NPTN: variants seen among roughly 807,000 people sequenced by gnomAD.
The protein encoded by NPTN is SDR-1.
In NPTN, 5 loss-of-function variants were observed where a neutral mutation model predicts 42.7. The observed-to-expected ratio is 0.12, with a 90% CI of 0.06 to 0.25. NPTN has a LOEUF of 0.25. Among genes scored for constraint, NPTN ranks in the 10% least tolerant of loss-of-function variants. The probability of loss-of-function intolerance (pLI) is 1.00; values close to 1 mark genes in which losing one functional copy is unlikely to be tolerated. For missense variants in NPTN, 307 were observed against 525.4 expected (o/e 0.58, Z 4.06); for synonymous variants, 180 against 201.9 (o/e 0.89, Z 0.92).
Position 73,633,286 on chromosome 15 carries a change from A to G in NPTN, c.-71T>C. On this transcript the variant is annotated 5_prime_UTR_variant, in exon 1 of 9. Coordinates refer to ENST00000345330, the MANE Select transcript of NPTN (RefSeq NM_012428.4). ...CGGGGCCGGGGAAGGGAGGGGAGGG[A>G]GGGAGGGGGCGGGCGAGTGCGCGAG... The G allele has an allele frequency of 1.7e-5, 6 of 343,964 alleles. No homozygotes were observed. The highest frequency in any genetic ancestry group is 7.5e-5 in the East Asian group (1 of 13,246). The allele number at this position is 343,964 out of a possible 1,614,324, so 21.3% of individuals were successfully genotyped here.
chr15:73,602,364 G>C (rs934034127), intron 1 of NPTN, among the ~76,000 whole-genome samples: 1 of 152,120 alleles, frequency 6.6e-6, no homozygotes, highest in Non-Finnish European at 1.5e-5. Flanking sequence ...TCGCAATAAA[G>C]AGAAAATGAC....
At chr15:73,579,718 G>A (rs374004834) in intron 4 of NPTN, among the ~76,000 whole-genome samples, 47 of 152,218 alleles carry the variant, frequency 3.1e-4, no homozygotes, top group African/African-American at 5.5e-4. Context: ...AAGGGTGGCC[G>A]CCATACTGGG....
intron 7 of NPTN, among the ~76,000 whole-genome samples, chr15:73,562,916 T>C (rs1223609579): frequency 1.3e-5 from 2 of 152,078 alleles, no homozygotes; most frequent in Non-Finnish European, 2.9e-5. Flanking sequence ...CGTTTTAACA[T>C]TGACAAAACC....
At chr15:73,594,916 A>G (rs1188655761) in intron 2 of NPTN, among the ~76,000 whole-genome samples, 2 of 151,888 alleles carry the variant, frequency 1.3e-5, no homozygotes, top group Admixed American at 6.6e-5. Flanking sequence ...CTGAGATCAT[A>G]AAACAGTCCA....
intron 1 of NPTN, among the ~76,000 whole-genome samples, chr15:73,629,677 T>G (rs1404431322): frequency 6.6e-6 from 1 of 152,160 alleles, no homozygotes; most frequent in Non-Finnish European, 1.5e-5. Flanking sequence ...ATTTTCCATA[T>G]GAATATATTA....
chr15:73,594,947 GT>G (rs199961819), intron 2 of NPTN, among the ~76,000 whole-genome samples: 2 of 138,660 alleles, frequency 1.4e-5, no homozygotes, highest in Non-Finnish European at 1.5e-5. Context: ...GATCCAGGGT[GT>G]TTTAAAAAAA....
intron 1 of NPTN, among the ~76,000 whole-genome samples, chr15:73,609,259 G>T (rs964603010): frequency 6.6e-6 from 1 of 152,174 alleles, no homozygotes; most frequent in African/African-American, 2.4e-5. Context: ...TCAGATATAA[G>T]GCACAGTATC....
chr15:73,616,819 T>C (rs1176950477), intron 1 of NPTN, among the ~76,000 whole-genome samples: 1 of 152,170 alleles, frequency 6.6e-6, no homozygotes, highest in Non-Finnish European at 1.5e-5. Flanking sequence ...CCAGAATGCT[T>C]TCGCTAAAAA....
chr15:73,589,995 T>G (rs932983238), intron 3 of NPTN, among the ~76,000 whole-genome samples: 1 of 151,804 alleles, frequency 6.6e-6, no homozygotes, highest in Admixed American at 6.5e-5. Flanking sequence ...AAAGACCTGC[T>G]GTTCCTTCCT....
intron 1 of NPTN, among the ~76,000 whole-genome samples, chr15:73,615,631 T>G (rs1566987446): frequency 6.6e-6 from 1 of 152,190 alleles, no homozygotes. Flanking sequence ...TCATCAAGGT[T>G]AACAGTTCAG....
At chr15:73,627,055 C>A (rs1011928688) in intron 1 of NPTN, among the ~76,000 whole-genome samples, 1 of 152,004 alleles carries the variant, frequency 6.6e-6, no homozygotes, top group Non-Finnish European at 1.5e-5. Context: ...GCCAACATGG[C>A]GAAACTCCAT....
Position 73,591,998 on chromosome 15 carries a change from G to C in NPTN, c.579C>G (p.Ala193=), listed in dbSNP as rs550831616. ...CCATGTTGCTGGCATTCTTACGAGT[G>C]GCACTCAGTTCCACCCCATTCTTTG... ...YWTKNGVELS[A]TRKNASNMEY... Residue 193 remains alanine (A), a synonymous_variant, in exon 3 of 9, where the codon GCC becomes GCG. Transcript: ENST00000345330. 4.3e-6 allele frequency: 7 copies of C among 1,613,648 alleles called. No homozygotes were observed. In the East Asian group the frequency reaches 1.6e-4, roughly 36 times the overall value.
chr15:73,589,751 C>T (rs1006155637), intron 3 of NPTN, among the ~76,000 whole-genome samples: 3 of 152,056 alleles, frequency 2.0e-5, no homozygotes, highest in Admixed American at 6.5e-5. Flanking sequence ...CGAGGAGAGA[C>T]ATAGCCTATC....
chr15:73,570,689 A>G lies in NPTN; in HGVS notation c.841-266T>C, dbSNP rs1164408377. ...AGGTCCTACTGCCTGGAGACTCAGAAAAGTCCAACAACCTAGTAAATGCTG... is the reference window on the plus strand; with the variant it reads ...AGGTCCTACTGCCTGGAGACTCAGAGAAGTCCAACAACCTAGTAAATGCTG... On this transcript the variant is annotated intron_variant, in intron 5 of 8. Transcript: ENST00000345330. This position sits in a 1 kb window ranked among gnomAD's most constrained non-coding sequence, Gnocchi z 4.0. Among the ~76,000 whole-genome samples the G allele has an allele frequency of 3.9e-5, 6 of 152,186 alleles. No homozygotes were observed. Among genetic ancestry groups the G allele is most frequent in the Non-Finnish European group, 8.8e-5 (6 of 68,014 alleles).
chr15:73,628,062 C>T (rs1012255800), intron 1 of NPTN, among the ~76,000 whole-genome samples: 1 of 151,824 alleles, frequency 6.6e-6, no homozygotes, highest in South Asian at 2.1e-4. Flanking sequence ...ATCTAAGGTG[C>T]TTAAAATTAA....
At chr15:73,627,260 G>A (rs1417646326) in intron 1 of NPTN, among the ~76,000 whole-genome samples, 1 of 152,108 alleles carries the variant, frequency 6.6e-6, no homozygotes, top group Non-Finnish European at 1.5e-5. Flanking sequence ...CATATTTCTG[G>A]AAAATACCAT....
intron 1 of NPTN, among the ~76,000 whole-genome samples, chr15:73,620,264 C>A (rs1898069572): frequency 6.6e-6 from 1 of 152,206 alleles, no homozygotes; most frequent in South Asian, 2.1e-4. Flanking sequence ...AGAGTAAAGG[C>A]AAGTCAACAG....
chr15:73,568,457 T>C (rs968201524), intron 6 of NPTN: 1 of 985,328 alleles, frequency 1.0e-6, no homozygotes, highest in Admixed American at 6.1e-5. Context: ...TTTTCAGGAA[T>C]GAGGCATAAC....
chr15:73,612,231 T>TTG (rs1268406207), intron 1 of NPTN, among the ~76,000 whole-genome samples: 4 of 151,650 alleles, frequency 2.6e-5, no homozygotes, highest in Non-Finnish European at 5.9e-5. Context: ...CCAGCCTGGG[T>TTG]AACATAGGGA....
Sources: gnomAD v4.1 joint callset for allele counts (sites outside exome capture counted in the v4.1 genomes callset) on GRCh38, gnomAD v4.1.1 for gene constraint, Gnocchi (gnomAD v3.1) non-coding constraint, MANE v1.5 for transcripts, NCBI Gene and HGNC (gene_info 2026-07-23, HGNC 2026-07-21) for gene names.